DDX1: variants seen among roughly 807,000 people sequenced by gnomAD.
DDX1 encodes the protein ATP-dependent RNA helicase DDX1.
DDX1 carries 28 observed loss-of-function variants against 108.7 expected under a neutral mutation model. The ratio of observed to expected loss-of-function variants is 0.26; its 90% CI spans 0.19 to 0.35. The LOEUF is 0.35. Among genes scored for constraint, DDX1 ranks in the 10% least tolerant of loss-of-function variants. The pLI is 1.00. For synonymous variants in DDX1, 295 were observed against 288.9 expected, an observed-to-expected ratio of 1.02 and a Z score of -0.21; for missense variants, 710 against 884.5, an observed-to-expected ratio of 0.80 and a Z score of 2.50.
chr2:15,595,238 T>G, intron 2 of DDX1, 42 bp downstream of exon 2: 1 of 1,472,762 alleles, frequency 6.8e-7, no homozygotes, highest in Non-Finnish European at 9.4e-7. Flanking sequence ...GAGGATGTTT[T>G]ATAATTTAAA....
chr2:15,602,829 GC>G (rs1665608487), intron 7 of DDX1, among the ~76,000 whole-genome samples, 198 bp downstream of exon 7: 1 of 151,990 alleles, frequency 6.6e-6, no homozygotes, highest in Non-Finnish European at 1.5e-5. Flanking sequence ...TTCTCCTACC[GC>G]AGCTTCCCGA....
At chr2:15,595,049 C>A in intron 1 of DDX1, 96 bp from the exon 2 acceptor site, 1 of 964,352 alleles carries the variant, frequency 1.0e-6, no homozygotes. Flanking sequence ...AGCTATCCTT[C>A]AAAATCTTTA....
chr2:15,593,756 G>A (rs1327961555), intron 1 of DDX1, among the ~76,000 whole-genome samples: 2 of 151,838 alleles, frequency 1.3e-5, no homozygotes, highest in Admixed American at 6.6e-5. Context: ...TAGTTTATCT[G>A]TGGCTTTTTT....
intron 10 of DDX1, 136 bp downstream of exon 10, chr2:15,604,645 C>G: frequency 4.7e-6 from 3 of 638,534 alleles, no homozygotes; most frequent in Non-Finnish European, 8.4e-6. Context: ...ATTTATTGAG[C>G]ATTGACTATG....
At chr2:15,611,798 C>A (rs1421392286) in intron 13 of DDX1, among the ~76,000 whole-genome samples, 1 of 102,316 alleles carries the variant, frequency 9.8e-6, no homozygotes, top group African/African-American at 4.5e-5. Context: ...CTGACCCCCC[C>A]ACCTCCCTCC....
Position 15,597,404 on chromosome 2 carries a change from T to C in DDX1, c.192T>C (p.Val64=). ...TTAGTATTCCAGTTATCCAGATAGT[T>C]TATGAAACTCTGAAAGACCAACAGG... ...GAFSIPVIQI[V]YETLKDQQEG... The change falls in exon 5 of 26, where the codon GTT becomes GTC. Residue 64 remains valine (V), a synonymous_variant. Transcript: ENST00000233084. The C allele has an allele frequency of 1.2e-6, 2 of 1,608,826 alleles. No homozygotes were observed. The highest frequency in any genetic ancestry group is 1.7e-6 in the Non-Finnish European group (2 of 1,177,810).
intron 1 of DDX1, among the ~76,000 whole-genome samples, chr2:15,592,196 C>G (rs1484513107): frequency 6.6e-6 from 1 of 152,234 alleles, no homozygotes; most frequent in African/African-American, 2.4e-5. Context: ...TTCTACCAGT[C>G]TCCACTTGGC....
chr2:15,630,542 G>T (rs758162739), intron 25 of DDX1, among the ~76,000 whole-genome samples: 27 of 152,156 alleles, frequency 1.8e-4, no homozygotes, highest in Non-Finnish European at 2.9e-5. Context: ...AGTTGTTTCC[G>T]AGCCAAGGGT....
chr2:15,599,016 G>T (rs1000364267), intron 5 of DDX1: 1 of 152,024 alleles, frequency 6.6e-6, no homozygotes, highest in African/African-American at 2.4e-5. Context: ...AACTTGTTTG[G>T]TTACTTAAAC....
chr2:15,598,030 T>C (rs960238208), intron 5 of DDX1, among the ~76,000 whole-genome samples: 2 of 152,166 alleles, frequency 1.3e-5, no homozygotes, highest in African/African-American at 4.8e-5. Flanking sequence ...CTTACCGCAG[T>C]TTCTTCATCT....
At chr2:15,612,814 G>A (rs555996010) in intron 13 of DDX1, among the ~76,000 whole-genome samples, 10 of 152,192 alleles carry the variant, frequency 6.6e-5, no homozygotes, top group African/African-American at 1.2e-4. Context: ...AGACCAGCCC[G>A]GCCAACACAG....
At chr2:15,627,853 T>C (rs1666126601) in intron 20 of DDX1, among the ~76,000 whole-genome samples, 2 of 152,200 alleles carry the variant, frequency 1.3e-5, no homozygotes, top group Non-Finnish European at 2.9e-5. Context: ...GAATGTGTGC[T>C]ACCCTTCTCA....
At chr2:15,614,694 C>T (rs558976572) in intron 14 of DDX1, among the ~76,000 whole-genome samples, 1 of 152,192 alleles carries the variant, frequency 6.6e-6, no homozygotes, top group Non-Finnish European at 1.5e-5. Context: ...TGGCACTATG[C>T]TCTTGAACTT....
intron 5 of DDX1, 52 bp downstream of exon 5, chr2:15,597,523 A>C: frequency 8.4e-7 from 1 of 1,195,650 alleles, no homozygotes; most frequent in Non-Finnish European, 1.2e-6. Flanking sequence ...GGTTCTCATC[A>C]CTGACAGTTA....
intron 1 of DDX1, among the ~76,000 whole-genome samples, chr2:15,593,971 G>A (rs956361689): frequency 6.6e-6 from 1 of 151,994 alleles, no homozygotes; most frequent in African/African-American, 2.4e-5. Context: ...CCAGCTCCTC[G>A]GGAGGCTGAG....
Position 15,617,355 on chromosome 2 carries a change from A to G in DDX1, c.1116+13A>G, listed in dbSNP as rs1558457411. ...CCTGGATGAAGCTGTATGTTGAAATATAATCATACTTTTTAAAAAGTTTAC... is the reference window on the plus strand; with the variant it reads ...CCTGGATGAAGCTGTATGTTGAAATGTAATCATACTTTTTAAAAAGTTTAC... On this transcript the variant is annotated intron_variant, in intron 15 of 25. Transcript: ENST00000233084. 1 of 1,479,878 alleles carries G rather than the reference A, an allele frequency of 6.8e-7. No individual in the cohort carries two copies. The highest frequency in any genetic ancestry group is 9.2e-7 in the Non-Finnish European group (1 of 1,085,036). The allele number at this position is 1,479,878 out of a possible 1,614,324, so 91.7% of individuals were successfully genotyped here.
At chr2:15,601,668 T>A (rs1212608726) in intron 6 of DDX1, among the ~76,000 whole-genome samples, 2 of 152,214 alleles carry the variant, frequency 1.3e-5, no homozygotes, top group Non-Finnish European at 2.9e-5. Context: ...TGGAAGCTCC[T>A]AGATAACTTT....
chr2:15,619,054 A>T (rs1287290377), intron 16 of DDX1, among the ~76,000 whole-genome samples: 3 of 152,154 alleles, frequency 2.0e-5, no homozygotes, highest in Non-Finnish European at 4.4e-5. Flanking sequence ...CGCAGCCATA[A>T]CTTGGGCAGC....
rs146084775 is a variant in DDX1, at chr2:15,628,477, T to A, written c.1719T>A (p.Asp573Glu). The change falls in exon 21 of 26, where the codon GAT becomes GAA. Residue 573 changes from aspartate (D) to glutamate (E), a missense_variant. Asp to Glu is a conservative substitution (Grantham distance 45, BLOSUM62 2). This residue lies in a region of DDX1 where 661 missense variants were observed against 810.2 expected (regional missense o/e 0.82). Coordinates refer to ENST00000233084, the MANE Select transcript of DDX1 (RefSeq NM_004939.3). ...KGDVRFLICTDVAARGIDIHG... is the reference protein window; with the variant it reads ...KGDVRFLICTEVAARGIDIHG... ...ATGTAAGATTCTTGATTTGCACAGA[T>A]GTAGCTGCTAGAGGAATTGATATCC... 1 of 1,613,362 alleles carries A rather than the reference T, an allele frequency of 6.2e-7. No homozygotes were observed. Among genetic ancestry groups the A allele is most frequent in the African/African-American group, 1.3e-5 (1 of 74,926 alleles).
Sources: gnomAD v4.1 joint callset for allele counts (sites outside exome capture counted in the v4.1 genomes callset) on GRCh38, gnomAD v4.1.1 for gene constraint, gnomAD v4.1.1 regional missense constraint, MANE v1.5 for transcripts, NCBI Gene and HGNC (gene_info 2026-07-23, HGNC 2026-07-21) for gene names.